Variants in CSMD3 observed in about 807,000 individuals in gnomAD.
CSMD3 encodes CUB and sushi domain-containing protein 3.
CSMD3 carries 177 observed loss-of-function variants against 435.2 expected under a neutral mutation model. The observed-to-expected ratio is 0.41, with a 90% CI of 0.36 to 0.46. CSMD3 has a LOEUF of 0.46. CSMD3 is among the 20% of genes least tolerant of loss of function. The probability of loss-of-function intolerance (pLI) is 0.34; values close to 1 mark genes in which losing one functional copy is unlikely to be tolerated. For missense variants in CSMD3, 4,265 were observed against 4,504.6 expected, an observed-to-expected ratio of 0.95 and a Z score of 1.52; for synonymous variants, 1,656 against 1,520.5, an observed-to-expected ratio of 1.09 and a Z score of -2.07.
intron 5 of CSMD3, among the ~76,000 whole-genome samples, chr8:113,087,067 T>A (rs2131486439): frequency 6.6e-6 from 1 of 152,292 alleles, no homozygotes; most frequent in Non-Finnish European, 1.5e-5. Context: ...CCTAGGAGTT[T>A]ATTTTTTTAA....
intron 61 of CSMD3, among the ~76,000 whole-genome samples, chr8:112,258,795 T>G (rs1816071327): frequency 6.6e-6 from 1 of 152,152 alleles, no homozygotes; most frequent in African/African-American, 2.4e-5. Context: ...ATCCCAGCAC[T>G]TTGGGAGGCC....
intron 9 of CSMD3, among the ~76,000 whole-genome samples, chr8:112,927,967 A>G (rs997123046): frequency 6.6e-6 from 1 of 152,092 alleles, no homozygotes; most frequent in Non-Finnish European, 1.5e-5. Flanking sequence ...GCCCTATTTA[A>G]TAACCCCAAG....
chr8:113,021,375 G>C (rs575866584), intron 5 of CSMD3, among the ~76,000 whole-genome samples: 1 of 152,270 alleles, frequency 6.6e-6, no homozygotes, highest in Admixed American at 6.5e-5. Context: ...CAATTGAGTA[G>C]CATAGTTCAT....
At chr8:112,700,555 T>G (rs1288963630) in intron 13 of CSMD3, among the ~76,000 whole-genome samples, 1 of 152,034 alleles carries the variant, frequency 6.6e-6, no homozygotes, top group African/African-American at 2.4e-5. Flanking sequence ...ATTCCCCTCT[T>G]TTTTATTATT....
At chr8:112,925,708 C>T (rs2082889634) in intron 9 of CSMD3, among the ~76,000 whole-genome samples, 2 of 152,152 alleles carry the variant, frequency 1.3e-5, no homozygotes, top group South Asian at 4.1e-4. Context: ...AAGGAGCCTT[C>T]TCACCTAGAT....
intron 1 of CSMD3, among the ~76,000 whole-genome samples, chr8:113,386,556 T>G (rs1032225367): frequency 1.3e-5 from 2 of 151,790 alleles, no homozygotes; most frequent in Non-Finnish European, 2.9e-5. Flanking sequence ...TTGATCTCTC[T>G]CTCTCTCTCT....
rs988983095 is a variant in CSMD3, at chr8:112,301,952, C to T, written c.8281G>A (p.Glu2761Lys). Residue 2761 changes from glutamate (E) to lysine (K), a missense_variant, in exon 53 of 71, where the codon GAA becomes AAA. By Grantham distance (56) the Glu-to-Lys change is moderately conservative. This residue lies in a region of CSMD3 where 3,255 missense variants were observed against 3,380.2 expected (regional missense o/e 0.96). Transcript: ENST00000297405. ...TTTCCATTTGGAGGTGTAGGTAGTT[C>T]TCCACAGGAAATAACTTTAAAATGA... Reference protein sequence around the residue: ...RPYCQIISCGELPTPPNGNKI... With the variant: ...RPYCQIISCGKLPTPPNGNKI... The T allele has an allele frequency of 1.9e-6, 3 of 1,605,962 alleles. No homozygotes were observed. The East Asian group carries it at 6.7e-5, about 36-fold the overall frequency.
At chr8:112,747,910 C>T (rs1323404628) in intron 13 of CSMD3, among the ~76,000 whole-genome samples, 4 of 136,442 alleles carry the variant, frequency 2.9e-5, no homozygotes, top group East Asian at 2.2e-4. Context: ...TTGCAGTGAG[C>T]GGAGATTGCG....
intron 6 of CSMD3, among the ~76,000 whole-genome samples, chr8:112,980,350 T>G (rs1532797): frequency 6.6e-6 from 1 of 150,800 alleles, no homozygotes; most frequent in African/African-American, 2.4e-5. Context: ...TAGCACATTA[T>G]GTTACATAAA....
intron 4 of CSMD3, among the ~76,000 whole-genome samples, chr8:113,125,725 G>A (rs1426271226): frequency 6.6e-6 from 1 of 151,966 alleles, no homozygotes; most frequent in Non-Finnish European, 1.5e-5. Context: ...CAAAGACTGA[G>A]CATTGGATAT....
chr8:113,154,072 G>C (rs2091886470), intron 4 of CSMD3, among the ~76,000 whole-genome samples: 1 of 151,940 alleles, frequency 6.6e-6, no homozygotes, highest in African/African-American at 2.4e-5. Context: ...CAATTACTCT[G>C]TATAGTTCTT....
At chr8:113,377,232 G>C (rs983146977) in intron 1 of CSMD3, 3 of 846,144 alleles carry the variant, frequency 3.5e-6, no homozygotes, top group Non-Finnish European at 4.6e-6. Context: ...AGGGCCAGCC[G>C]AGGATACAAA....
chr8:113,284,624 TG>T, intron 2 of CSMD3, among the ~76,000 whole-genome samples: 1 of 152,174 alleles, frequency 6.6e-6, no homozygotes, highest in South Asian at 2.1e-4. Context: ...ATCTTTAAAA[TG>T]TGAGCTATAA....
chr8:112,910,107 A>T (rs1423850896), intron 10 of CSMD3, among the ~76,000 whole-genome samples: 1 of 151,890 alleles, frequency 6.6e-6, no homozygotes. Flanking sequence ...TGACCAATTT[A>T]TCACAGAGAG....
At chr8:112,238,307 T>C (rs962281343) in intron 66 of CSMD3, among the ~76,000 whole-genome samples, 3 of 152,034 alleles carry the variant, frequency 2.0e-5, no homozygotes, top group Admixed American at 2.0e-4. Context: ...TGATGATTTT[T>C]CATCTGATAT....
chr8:113,376,803 G>C, intron 1 of CSMD3: 1 of 1,613,880 alleles, frequency 6.2e-7, no homozygotes, highest in South Asian at 1.1e-5. Context: ...CATTCAACCG[G>C]GTTGTGCTGA....
chr8:113,101,182 G>T (rs2090320100), intron 4 of CSMD3, among the ~76,000 whole-genome samples: 1 of 152,034 alleles, frequency 6.6e-6, no homozygotes, highest in Admixed American at 6.6e-5. Flanking sequence ...CCATTACTGT[G>T]GGTGACTGTG....
chr8:112,912,686 T>C (rs985615368), intron 10 of CSMD3, among the ~76,000 whole-genome samples: 2 of 151,770 alleles, frequency 1.3e-5, no homozygotes, highest in African/African-American at 4.8e-5. Flanking sequence ...CCCAAAAGCA[T>C]AGGCAACAAA....
chr8:112,403,566 T>C (rs1831514304), intron 35 of CSMD3, among the ~76,000 whole-genome samples: 1 of 152,108 alleles, frequency 6.6e-6, no homozygotes, highest in Non-Finnish European at 1.5e-5. Flanking sequence ...GAGGGCTTGC[T>C]CGGTGCTTCA....
Sources: gnomAD v4.1 joint callset for allele counts (sites outside exome capture counted in the v4.1 genomes callset) on GRCh38, gnomAD v4.1.1 for gene constraint, gnomAD v4.1.1 regional missense constraint, MANE v1.5 for transcripts, NCBI Gene and HGNC (gene_info 2026-07-23, HGNC 2026-07-21) for gene names.